TLK1: variants seen among roughly 807,000 people sequenced by gnomAD.
TLK1 encodes tousled like kinase 1.
Under a neutral mutation model 105.3 loss-of-function variants are expected in TLK1, and 24 were observed. That is an observed-to-expected ratio of 0.23 (90% CI 0.17 to 0.32). The LOEUF (loss-of-function observed/expected upper bound fraction) is 0.32. Among genes scored for constraint, TLK1 ranks in the 10% least tolerant of loss-of-function variants. TLK1 has a pLI of 1.00. For missense variants in TLK1, 558 were observed against 910.5 expected (o/e 0.61, Z 4.98); for synonymous variants, 321 against 310.4 (o/e 1.03, Z -0.36).
At chr2:171,148,890 A>AAAAAAATAT (rs1445171800) in intron 1 of TLK1, among the ~76,000 whole-genome samples, 31 of 138,450 alleles carry the variant, frequency 2.2e-4, no homozygotes, top group African/African-American at 7.9e-4. Context: ...AAAAAAAAAA[A>AAAAAAATAT]ATATATATAT....
chr2:171,101,931 C>T (rs1423667661), intron 2 of TLK1, among the ~76,000 whole-genome samples: 1 of 152,136 alleles, frequency 6.6e-6, no homozygotes, highest in African/African-American at 2.4e-5. Flanking sequence ...GAGGCAATGA[C>T]TTATTTAAAA....
intron 10 of TLK1, 119 bp from the exon 11 acceptor site, chr2:171,046,481 T>G (rs1686967567): frequency 8.3e-7 from 1 of 1,199,150 alleles, no homozygotes; most frequent in Non-Finnish European, 1.1e-6. Flanking sequence ...AACCTTTTGG[T>G]TCCACTCTTG....
intron 10 of TLK1, 58 bp from the exon 11 acceptor site, chr2:171,046,420 A>T: frequency 4.1e-6 from 6 of 1,478,924 alleles, no homozygotes; most frequent in Non-Finnish European, 5.4e-6. Flanking sequence ...TCAAGGCTAA[A>T]CTTGGAAAAA....
At chr2:171,107,198 T>C (rs2105513835) in intron 2 of TLK1, among the ~76,000 whole-genome samples, 1 of 152,346 alleles carries the variant, frequency 6.6e-6, no homozygotes, top group Non-Finnish European at 1.5e-5. Context: ...TAACTCCTAC[T>C]GCACCACCTT....
At chr2:171,123,089 T>TACACACACA (rs1690726199) in intron 1 of TLK1, among the ~76,000 whole-genome samples, 2 of 111,566 alleles carry the variant, frequency 1.8e-5, no homozygotes, top group African/African-American at 4.5e-5. Context: ...CACACACACT[T>TACACACACA]CTTTTTTTAA....
intron 2 of TLK1, among the ~76,000 whole-genome samples, chr2:171,101,992 T>G (rs1206118458): frequency 6.6e-6 from 1 of 152,194 alleles, no homozygotes; most frequent in Non-Finnish European, 1.5e-5. Context: ...CTACTTTGGT[T>G]TCTTTCTTAT....
At chr2:171,110,039 T>C (rs1368141099) in intron 2 of TLK1, among the ~76,000 whole-genome samples, 1 of 152,206 alleles carries the variant, frequency 6.6e-6, no homozygotes, top group African/African-American at 2.4e-5. Context: ...GATGGAAGTG[T>C]TCTATATTTT....
At chr2:171,093,902 C>A (rs1347837883) in intron 2 of TLK1, among the ~76,000 whole-genome samples, 1 of 150,294 alleles carries the variant, frequency 6.7e-6, no homozygotes, top group African/African-American at 2.5e-5. Context: ...CTGATTGTAG[C>A]CAACACCAGG....
intron 1 of TLK1, among the ~76,000 whole-genome samples, chr2:171,182,412 T>A (rs1261967934): frequency 6.6e-6 from 1 of 152,176 alleles, no homozygotes; most frequent in Non-Finnish European, 1.5e-5. Context: ...GGCTACTTAT[T>A]AGAATGCAGT....
chr2:170,999,594 T>A (rs1684259354), intron 18 of TLK1, among the ~76,000 whole-genome samples: 1 of 152,202 alleles, frequency 6.6e-6, no homozygotes, highest in African/African-American at 2.4e-5. Context: ...CTAAATATTT[T>A]AAGTTTCTGA....
rs148835592 is a variant in TLK1 at position 171,067,090 on chromosome 2, C to T, written c.331-5934G>A. The T allele has an allele frequency of 4.5e-4, 463 of 1,017,914 alleles. 3 individuals carry two copies. The African/African-American group carries it at 6.2e-3, about 14-fold the overall frequency. The allele number at this position is 1,017,914 out of a possible 1,614,324, so 63.1% of individuals were successfully genotyped here. ...TTCCTTTGAACACGAATCCCTAGGTCTGTACAATTATTTCTCTGGTATACA... is the reference window on the plus strand; with the variant it reads ...TTCCTTTGAACACGAATCCCTAGGTTTGTACAATTATTTCTCTGGTATACA... On this transcript the variant is annotated intron_variant, in intron 3 of 20. Coordinates refer to ENST00000431350, the MANE Select transcript of TLK1 (RefSeq NM_012290.5).
At chr2:171,174,707 A>T (rs1692788757) in intron 1 of TLK1, among the ~76,000 whole-genome samples, 1 of 152,224 alleles carries the variant, frequency 6.6e-6, no homozygotes, top group African/African-American at 2.4e-5. Flanking sequence ...GCAAAGTAGG[A>T]ATTCACTAAA....
intron 3 of TLK1, among the ~76,000 whole-genome samples, chr2:171,076,663 G>A (rs1461972359): frequency 5.9e-5 from 9 of 151,370 alleles, no homozygotes; most frequent in African/African-American, 1.9e-4. Flanking sequence ...ACTTTGGGAG[G>A]CCGAGGCGGG....
intron 1 of TLK1, among the ~76,000 whole-genome samples, chr2:171,190,003 C>T (rs1364326787): frequency 6.6e-6 from 1 of 152,210 alleles, no homozygotes; most frequent in Non-Finnish European, 1.5e-5. Flanking sequence ...ATCTATCAGA[C>T]ATCTCCATTC....
chr2:171,062,663 G>A (rs992927109), intron 3 of TLK1, among the ~76,000 whole-genome samples: 2 of 152,200 alleles, frequency 1.3e-5, no homozygotes, highest in African/African-American at 2.4e-5. Flanking sequence ...CACTACCAGT[G>A]TGGCAGAGCC....
intron 2 of TLK1, among the ~76,000 whole-genome samples, chr2:171,094,544 T>C (rs1329387707): frequency 5.9e-5 from 9 of 152,112 alleles, no homozygotes; most frequent in Non-Finnish European, 7.4e-5. Flanking sequence ...ACTCAAAACA[T>C]GGCAGCATGT....
At chr2:171,166,175 C>T (rs1692605629) in intron 1 of TLK1, among the ~76,000 whole-genome samples, 1 of 152,236 alleles carries the variant, frequency 6.6e-6, no homozygotes, top group Admixed American at 6.5e-5. Context: ...ACCAGCACAC[C>T]ACTGCTCCCA....
upstream of TLK1, among the ~76,000 whole-genome samples, chr2:171,164,650 G>A (rs1404684945): frequency 2.0e-5 from 3 of 152,142 alleles, no homozygotes; most frequent in Non-Finnish European, 4.4e-5. Context: ...CAATAAATAC[G>A]TTTTAAGTAA....
Position 171,056,458 on chromosome 2 carries a change from A to G in TLK1, c.549+13T>C, listed in dbSNP as rs1209643924. 6.2e-7 allele frequency: 1 copy of G among 1,609,550 alleles called. No homozygotes were observed. The highest frequency in any genetic ancestry group is 8.5e-7 in the Non-Finnish European group (1 of 1,177,744). ...CCAAAGACTACACATGAAAAACTTG[A>G]AAGATGACTTACAGATGAGGAAGGA... On this transcript the variant is annotated intron_variant, in intron 6 of 20. Coordinates refer to ENST00000431350, the MANE Select transcript of TLK1 (RefSeq NM_012290.5).
Sources: gnomAD v4.1 joint callset for allele counts (sites outside exome capture counted in the v4.1 genomes callset) on GRCh38, gnomAD v4.1.1 for gene constraint, MANE v1.5 for transcripts, NCBI Gene and HGNC (gene_info 2026-07-23, HGNC 2026-07-21) for gene names.